ZNF875: variants seen among roughly 807,000 people sequenced by gnomAD.
ZNF875 encodes zinc finger protein 875.
In ZNF875, 14 loss-of-function variants were observed where a neutral mutation model predicts 11.2. That is an observed-to-expected ratio of 1.26 (90% CI 0.83 to 1.96). The LOEUF is 1.96. Among genes scored for constraint, ZNF875 ranks in the 30% most tolerant of loss-of-function variants. ZNF875 has a pLI of 0.00. For synonymous variants in ZNF875, 301 were observed against 281.1 expected (o/e 1.07, Z -0.71); for missense variants, 752 against 760.4 (o/e 0.99, Z 0.13).
Position 37,363,280 on chromosome 19 carries a change from G to T in ZNF875, c.1428G>T (p.Lys476Asn). The part of the protein sequence containing the change: ...NKHQRSHTGE[K>N]PFVCTECGRG... The stretch of plus-strand genomic sequence containing the variant: ...ACCAGAGGTCACACACGGGGGAGAA[G>T]CCATTTGTATGTACGGAGTGTGGGC... Residue 476 changes from lysine (K) to asparagine (N), a missense_variant, in exon 5 of 5, where the codon AAG becomes AAT. Coordinates refer to ENST00000392153, the MANE Select transcript of ZNF875 (RefSeq NM_001353803.2). The T allele has an allele frequency of 6.2e-7, 1 of 1,613,630 alleles. No homozygotes were observed. Among genetic ancestry groups the T allele is most frequent in the Non-Finnish European group, 8.5e-7 (1 of 1,179,692 alleles).
chr19:37,334,203 T>G (rs1276566259), upstream of ZNF875, among the ~76,000 whole-genome samples: 1 of 152,142 alleles, frequency 6.6e-6, no homozygotes, highest in Non-Finnish European at 1.5e-5. Context: ...AAAGGGCCGG[T>G]GTCGCCTCCA....
upstream of ZNF875, among the ~76,000 whole-genome samples, chr19:37,332,271 TTC>T (rs2033521488): frequency 6.6e-6 from 1 of 150,470 alleles, no homozygotes; most frequent in Non-Finnish European, 1.5e-5. Context: ...GTCCCCTTAT[TTC>T]TTTCTCTATA....
At chr19:37,356,753 T>C (rs533081587) in intron 4 of ZNF875, among the ~76,000 whole-genome samples, 1 of 152,328 alleles carries the variant, frequency 6.6e-6, no homozygotes, top group South Asian at 2.1e-4. Flanking sequence ...GGTTCGCAAA[T>C]GCTTTCTCCC....
rs1456685669 is a variant in ZNF875 at position 37,362,298 on chromosome 19, GT to G, written c.447del (p.Ser149ArgfsTer20). 1.2e-6 allele frequency: 2 copies of G among 1,613,998 alleles called. No homozygotes were observed. Among genetic ancestry groups the G allele is most frequent in the African/African-American group, 1.3e-5 (1 of 74,932 alleles). Reference sequence around the variant, plus strand: ...CAACAGCAGGATCCATTCTGCTTTAGTGGCAAAGCAGAATGGATTCAAGAGG... The same window carrying G: ...CAACAGCAGGATCCATTCTGCTTTAGGGCAAAGCAGAATGGATTCAAGAGG... ...QKQQQDPFCF[S>X]GKAEWIQEGE... On this transcript the variant is annotated frameshift_variant, in exon 5 of 5. Coordinates refer to ENST00000392153, the MANE Select transcript of ZNF875 (RefSeq NM_001353803.2). LOFTEE classifies it low-confidence loss of function (END_TRUNC).
intron 2 of ZNF875, among the ~76,000 whole-genome samples, chr19:37,344,003 A>G (rs2036283310): frequency 6.6e-6 from 1 of 152,146 alleles, no homozygotes; most frequent in African/African-American, 2.4e-5. Context: ...TCATCTCTGC[A>G]GTCTACCCTG....
At chr19:37,319,477 G>T (rs1477199263) in intron 1 of ZNF875, among the ~76,000 whole-genome samples, 1 of 151,530 alleles carries the variant, frequency 6.6e-6, no homozygotes, top group African/African-American at 2.4e-5. Context: ...CCTATAGGCG[G>T]CAGGTCTCTA....
intron 2 of ZNF875, among the ~76,000 whole-genome samples, chr19:37,345,705 A>G (rs1383534892): frequency 1.3e-5 from 2 of 152,206 alleles, no homozygotes; most frequent in African/African-American, 4.8e-5. Flanking sequence ...AGATTTTCAT[A>G]TGAAATCTTC....
chr19:37,358,364 T>C (rs933485237), intron 4 of ZNF875, among the ~76,000 whole-genome samples: 1 of 151,696 alleles, frequency 6.6e-6, no homozygotes, highest in African/African-American at 2.4e-5. Flanking sequence ...CTCAATCTCC[T>C]GACCTCGTGA....
intron 4 of ZNF875, among the ~76,000 whole-genome samples, chr19:37,324,559 A>G (rs73930940): frequency 0.025 from 3,815 of 152,148 alleles, 173 homozygotes; most frequent in African/African-American, 0.087. Context: ...TCAGAGAAAA[A>G]CCTGATTTTG....
In ZNF875 at chr19:37,358,899, A is replaced by G. The variant is rs2039425174; in HGVS notation, c.257-3210A>G. ...ACTTATTGTATGTATACAGTTCAAT[A>G]TATATATATTTTTTTTTTGAGATGG... On this transcript the variant is annotated intron_variant, in intron 4 of 4. Coordinates refer to ENST00000392153, the MANE Select transcript of ZNF875 (RefSeq NM_001353803.2). Among the ~76,000 whole-genome samples, 3 of 150,748 alleles carry G rather than the reference A, an allele frequency of 2.0e-5. No individual in the cohort carries two copies. The South Asian group carries it at 6.2e-4, about 31-fold the overall frequency.
At position 37,364,117 on chromosome 19, in the gene ZNF875, G is replaced by GGGCCGGGCGCGGTGGCTCACGCCTGTAA; in HGVS notation, c.*342_*343insGGCCGGGCGCGGTGGCTCACGCCTGTAA. 1 of 260,982 alleles carries GGGCCGGGCGCGGTGGCTCACGCCTGTAA rather than the reference G, an allele frequency of 3.8e-6. No homozygotes were observed. The highest frequency in any genetic ancestry group is 2.2e-5 in the African/African-American group (1 of 45,102). The allele number at this position is 260,982 out of a possible 1,614,324, so 16.2% of individuals were successfully genotyped here. On this transcript the variant is annotated 3_prime_UTR_variant, in exon 5 of 5. Transcript: ENST00000392153. ...AAACCCAACCTTAAAGCTGAAGACA[G>GGGCCGGGCGCGGTGGCTCACGCCTGTAA]TCCCGGCTAAATCCTCATACTGAAT...
chr19:37,361,345 G>A (rs2039877436), intron 4 of ZNF875, among the ~76,000 whole-genome samples: 4 of 152,020 alleles, frequency 2.6e-5, no homozygotes, highest in African/African-American at 4.8e-5. Context: ...TCTTGACCTC[G>A]TGATCTGCCC....
chr19:37,347,767 C>T lies in ZNF875; in HGVS notation c.161-10C>T. 1 of 1,586,044 alleles carries T rather than the reference C, an allele frequency of 6.3e-7. No homozygotes were observed. On this transcript the variant is annotated splice_polypyrimidine_tract_variant and intron_variant, in intron 3 of 4. Coordinates refer to ENST00000392153, the MANE Select transcript of ZNF875 (RefSeq NM_001353803.2). Reference sequence around the variant, plus strand: ...ACCAACAATGTCCTCATTTTCTTCCCTATGAACAGAAATTCCATCTTCTAA... The same window carrying T: ...ACCAACAATGTCCTCATTTTCTTCCTTATGAACAGAAATTCCATCTTCTAA...
chr19:37,360,747 C>A (rs948423674), intron 4 of ZNF875, among the ~76,000 whole-genome samples: 2 of 152,188 alleles, frequency 1.3e-5, no homozygotes, highest in African/African-American at 4.8e-5. Flanking sequence ...CCTCCCACCT[C>A]AGCCTCCTTA....
intron 2 of ZNF875, among the ~76,000 whole-genome samples, chr19:37,339,185 C>T (rs375901573): frequency 1.1e-4 from 17 of 151,574 alleles, no homozygotes; most frequent in Non-Finnish European, 2.2e-4. Flanking sequence ...ATTTTATATG[C>T]GCTCACACCC....
chr19:37,315,643 G>A (rs1349082629), upstream of ZNF875: 2 of 152,122 alleles, frequency 1.3e-5, no homozygotes, highest in Non-Finnish European at 2.9e-5. Flanking sequence ...TCTCCAATAG[G>A]ATGCAGACAG....
intron 3 of ZNF875, 197 bp downstream of exon 3, chr19:37,347,513 C>T: frequency 1.6e-6 from 1 of 620,898 alleles, no homozygotes; most frequent in East Asian, 2.8e-5. Context: ...GATGACACTA[C>T]ATTTCCAGGC....
chr19:37,322,851 T>C (rs1294316729), intron 2 of ZNF875, among the ~76,000 whole-genome samples: 1 of 152,184 alleles, frequency 6.6e-6, no homozygotes, highest in Non-Finnish European at 1.5e-5. Flanking sequence ...TCTCACCCGA[T>C]CTGGTGTAAT....
intron 2 of ZNF875, among the ~76,000 whole-genome samples, chr19:37,343,006 G>T (rs1035690734): frequency 1.3e-5 from 2 of 152,146 alleles, no homozygotes; most frequent in African/African-American, 4.8e-5. Flanking sequence ...TGTTATGGCA[G>T]CACTTCACTT....
Sources: allele counts gnomAD v4.1 joint callset (sites outside exome capture counted in the v4.1 genomes callset), GRCh38; gene constraint gnomAD v4.1.1; transcripts MANE v1.5; gene names NCBI Gene and HGNC (gene_info 2026-07-23, HGNC 2026-07-21).